The following SFRP1 variants were observed in gnomAD, a reference collection of about 807,000 sequenced individuals.
SFRP1 encodes the protein secreted frizzled related protein 1.
SFRP1 carries 9 observed loss-of-function variants against 25.9 expected under a neutral mutation model. The ratio of observed to expected loss-of-function variants is 0.35; its 90% confidence interval spans 0.21 to 0.61. The LOEUF is 0.61. SFRP1 is among the 20% of genes least tolerant of loss of function. SFRP1 has a pLI of 0.78. For synonymous variants in SFRP1, 178 were observed against 174.0 expected, an observed-to-expected ratio of 1.02 and a Z score of -0.18; for missense variants, 346 against 418.2, an observed-to-expected ratio of 0.83 and a Z score of 1.51.
At chr8:41,306,669 T>A in intron 1 of SFRP1, 1 of 1,578,216 alleles carries the variant, frequency 6.3e-7, no homozygotes, top group Non-Finnish European at 8.6e-7. Context: ...CGACCGGCCC[T>A]CTCCCCACTT....
At chr8:41,288,302 A>T (rs1304722749) in intron 2 of SFRP1, among the ~76,000 whole-genome samples, 1 of 152,110 alleles carries the variant, frequency 6.6e-6, no homozygotes, top group Non-Finnish European at 1.5e-5. Context: ...GGTTGCAGTG[A>T]GCCAAAATCG....
chr8:41,288,644 T>C (rs1345859437), intron 2 of SFRP1, among the ~76,000 whole-genome samples: 1 of 149,642 alleles, frequency 6.7e-6, no homozygotes, highest in Admixed American at 6.7e-5. Flanking sequence ...GGGGGATGCA[T>C]GATGGCCATC....
intron 2 of SFRP1, among the ~76,000 whole-genome samples, chr8:41,265,723 G>A (rs111682689): frequency 1.2e-4 from 18 of 152,134 alleles, no homozygotes; most frequent in African/African-American, 3.9e-4. Flanking sequence ...TAACCCCATC[G>A]CCCAAGCAGC....
intron 2 of SFRP1, among the ~76,000 whole-genome samples, chr8:41,295,785 C>A (rs1023976648): frequency 6.6e-6 from 1 of 151,270 alleles, no homozygotes; most frequent in African/African-American, 2.4e-5. Context: ...TCAGCAGAAT[C>A]CAGAAGATGA....
At chr8:41,302,900 G>A (rs900908864) in intron 2 of SFRP1, among the ~76,000 whole-genome samples, 3 of 151,852 alleles carry the variant, frequency 2.0e-5, no homozygotes, top group Admixed American at 6.6e-5. Context: ...ACCCTGCTGT[G>A]GGGATGTCCA....
intron 2 of SFRP1, among the ~76,000 whole-genome samples, chr8:41,272,838 A>C (rs2117484611): frequency 6.6e-6 from 1 of 152,352 alleles, no homozygotes; most frequent in Non-Finnish European, 1.5e-5. Flanking sequence ...GAAATGAAGA[A>C]CATGAGTCCT....
intron 2 of SFRP1, among the ~76,000 whole-genome samples, chr8:41,296,589 G>A (rs1011504178): frequency 2.0e-5 from 3 of 151,932 alleles, no homozygotes; most frequent in African/African-American, 7.3e-5. Context: ...AAGCTCATTC[G>A]CATTATAATG....
Position 41,265,122 on chromosome 8 carries a change from T to TC in SFRP1, c.*44dup. 28 of 191,082 alleles carry TC rather than the reference T, an allele frequency of 1.5e-4. No individual in the cohort carries two copies. The highest frequency in any genetic ancestry group is 5.8e-4 in the South Asian group (6 of 10,318). 11.8% of individuals were successfully genotyped at this position (191,082 alleles called of 1,614,324 possible). A position where few individuals can be genotyped will look rare whatever the true frequency, so the allele number is the denominator to read the frequency against. ...GTTCCCGGGGCACTGTCCCCCCCGC[T>TC]CCCACCCCACCCGAGGCTCCCTCCC... On this transcript the variant is annotated 3_prime_UTR_variant, in exon 3 of 3. Transcript: ENST00000220772.
chr8:41,277,710 G>A (rs1344870820), intron 2 of SFRP1, among the ~76,000 whole-genome samples: 1 of 152,086 alleles, frequency 6.6e-6, no homozygotes, highest in Non-Finnish European at 1.5e-5. Context: ...TGAACTCCAG[G>A]GCTCAAAGGA....
intron 2 of SFRP1, among the ~76,000 whole-genome samples, chr8:41,300,538 G>A (rs1563366839): frequency 6.6e-6 from 1 of 152,188 alleles, no homozygotes; most frequent in Non-Finnish European, 1.5e-5. Flanking sequence ...TACAGATACT[G>A]CAGAAGAAGC....
At chr8:41,286,506 G>C (rs935107283) in intron 2 of SFRP1, among the ~76,000 whole-genome samples, 1 of 152,102 alleles carries the variant, frequency 6.6e-6, no homozygotes, top group African/African-American at 2.4e-5. Context: ...AAGCGGGGCG[G>C]GGGGAGGGGG....
In SFRP1 at chr8:41,265,337, G is replaced by A; in HGVS notation, c.775C>T (p.His259Tyr). 6.2e-7 allele frequency: 1 copy of A among 1,614,148 alleles called. No homozygotes were observed. Among genetic ancestry groups the A allele is most frequent in the Non-Finnish European group, 8.5e-7 (1 of 1,180,038 alleles). ...YLKNGADCPC[H>Y]QLDNLSHHFL... ...TGGTGGCTGAGGTTGTCCAGCTGGT[G>A]GCAGGGACAGTCAGCCCCATTCTTC... Residue 259 changes from histidine to tyrosine, a missense_variant, in exon 3 of 3, where the codon CAC becomes TAC. Physicochemically the swap from His to Tyr is moderately conservative, Grantham distance 83. Transcript: ENST00000220772.
rs536707196 is a variant in SFRP1, at chr8:41,263,667, C to T, written c.*1500G>A. The T allele has an allele frequency of 3.3e-5, 5 of 152,298 alleles. No individual in the cohort carries two copies. In the South Asian group the frequency reaches 8.3e-4, roughly 25 times the overall value. 9.4% of individuals were successfully genotyped at this position (152,298 alleles called of 1,614,324 possible). Reference sequence around the variant, plus strand: ...ATATGCATTTTTTTTAGAACTACTTCCTGTACATTGGACAAGAAGGGTAAA... The same window carrying T: ...ATATGCATTTTTTTTAGAACTACTTTCTGTACATTGGACAAGAAGGGTAAA... On this transcript the variant is annotated 3_prime_UTR_variant, in exon 3 of 3. Coordinates refer to ENST00000220772, the MANE Select transcript of SFRP1 (RefSeq NM_003012.5).
In SFRP1 at chr8:41,262,050, T is replaced by C. The variant is rs1230901749; in HGVS notation, c.*3117A>G. The C allele has an allele frequency of 2.0e-5, 3 of 152,424 alleles. No individual in the cohort carries two copies. Among genetic ancestry groups the C allele is most frequent in the South Asian group, 2.1e-4 (1 of 4,826 alleles). The allele number at this position is 152,424 out of a possible 1,614,324, so 9.4% of individuals were successfully genotyped here. ...AAATGAACACGTACGGGAATTACTA[T>C]TAACATAAGCGATAACATCAAAACA... On this transcript the variant is annotated 3_prime_UTR_variant, in exon 3 of 3. Transcript: ENST00000220772.
chr8:41,291,540 A>G (rs1803779528), intron 2 of SFRP1, among the ~76,000 whole-genome samples: 2 of 152,122 alleles, frequency 1.3e-5, no homozygotes, highest in South Asian at 4.1e-4. Context: ...TCATCTCTGC[A>G]GCTCCCCTTG....
rs1406453167 is a variant in SFRP1, at chr8:41,309,173, C to T, written c.-14G>A. On this transcript the variant is annotated 5_prime_UTR_variant, in exon 1 of 3. Transcript: ENST00000220772. ...CCCGATGCCCATGCCGGCTCTGCGC[C>T]CTGTTCTCCGCGACGTCGGGGCTGC... 1 of 1,316,562 alleles carries T rather than the reference C, an allele frequency of 7.6e-7. No homozygotes were observed. The highest frequency in any genetic ancestry group is 9.6e-7 in the Non-Finnish European group (1 of 1,042,862). 81.6% of individuals were successfully genotyped at this position (1,316,562 alleles called of 1,614,324 possible).
At chr8:41,306,890 T>C in intron 1 of SFRP1, 1 of 1,591,476 alleles carries the variant, frequency 6.3e-7, no homozygotes, top group Non-Finnish European at 8.5e-7. Flanking sequence ...TGAGGGATTC[T>C]TTCCTCTCTT....
Position 41,265,159 on chromosome 8 carries a change from C to G in SFRP1, c.*8G>C, listed in dbSNP as rs1040710862. 14 of 1,544,896 alleles carry G rather than the reference C, an allele frequency of 9.1e-6. No individual in the cohort carries two copies. The highest frequency in any genetic ancestry group is 5.5e-5 in the African/African-American group (4 of 73,336). Reference sequence around the variant, plus strand: ...CGAGGCTCCCTCCCCACCCTGCCCCCGGGAGAATCACTTAAACACGGACTG... The same window carrying G: ...CGAGGCTCCCTCCCCACCCTGCCCCGGGGAGAATCACTTAAACACGGACTG... On this transcript the variant is annotated 3_prime_UTR_variant, in exon 3 of 3. Transcript: ENST00000220772.
At chr8:41,281,816 T>C (rs1245938500) in intron 2 of SFRP1, among the ~76,000 whole-genome samples, 1 of 152,190 alleles carries the variant, frequency 6.6e-6, no homozygotes, top group Non-Finnish European at 1.5e-5. Flanking sequence ...TCTCAAGATC[T>C]AGGATCCCCT....
Sources: allele counts gnomAD v4.1 joint callset (sites outside exome capture counted in the v4.1 genomes callset), GRCh38; gene constraint gnomAD v4.1.1; transcripts MANE v1.5; gene names NCBI Gene and HGNC (gene_info 2026-07-23, HGNC 2026-07-21).